TAF4B: variants seen among roughly 807,000 people sequenced by gnomAD.
TAF4B encodes TATA-box binding protein associated factor 4b, also known as transcription initiation factor TFIID subunit 4B.
In TAF4B, 38 loss-of-function variants were observed where a neutral mutation model predicts 86.4. That is an observed-to-expected ratio of 0.44 (90% CI 0.34 to 0.58). TAF4B has a LOEUF of 0.58. Ranked by LOEUF, TAF4B falls within the 20% of genes least tolerant of loss-of-function variation. The probability of loss-of-function intolerance (pLI) is 0.02; values close to 1 mark genes in which losing one functional copy is unlikely to be tolerated. For synonymous variants in TAF4B, 388 were observed against 391.2 expected (o/e 0.99, Z 0.10); for missense variants, 988 against 1,027.6 (o/e 0.96, Z 0.53).
intron 10 of TAF4B, among the ~76,000 whole-genome samples, chr18:26,317,221 G>A (rs150633882): frequency 0.077 from 11,762 of 151,898 alleles, 556 homozygotes; most frequent in Non-Finnish European, 0.1. Context: ...AGTAGAGATG[G>A]GGTTTCACCA....
intron 13 of TAF4B, among the ~76,000 whole-genome samples, chr18:26,342,487 T>G (rs2057144354): frequency 6.6e-6 from 1 of 152,210 alleles, no homozygotes. Context: ...GTTTTTAATT[T>G]TCCTTTTATT....
At chr18:26,297,714 T>C (rs1194473663) in intron 9 of TAF4B, among the ~76,000 whole-genome samples, 1 of 152,212 alleles carries the variant, frequency 6.6e-6, no homozygotes. Context: ...TATATTGCTT[T>C]TGTTTGCACT....
chr18:26,292,363 A>G lies in TAF4B; in HGVS notation c.1708A>G (p.Thr570Ala), dbSNP rs764070380. 38 of 1,612,836 alleles carry G rather than the reference A, an allele frequency of 2.4e-5. No homozygotes were observed. The highest frequency in any genetic ancestry group is 3.1e-5 in the Non-Finnish European group (37 of 1,179,532). ...GATGCCAGTGAACACCATAATACCT[A>G]CTAGTCAGTTTCCTCCAGGTAGATG... ...KTMPVNTIIP[T>A]SQFPPASILK... The change falls in exon 8 of 15, where the codon ACT becomes GCT. Residue 570 changes from threonine (T) to alanine (A), a missense_variant. Thr to Ala is a moderately conservative substitution (Grantham distance 58, BLOSUM62 0). Transcript: ENST00000269142.
chr18:26,328,656 G>C (rs1420004845), intron 12 of TAF4B, among the ~76,000 whole-genome samples: 1 of 151,838 alleles, frequency 6.6e-6, no homozygotes, highest in Non-Finnish European at 1.5e-5. Context: ...ATCTCTCTCT[G>C]TAGCTCAAGC....
At chr18:26,323,132 C>T (rs1045562863) in intron 11 of TAF4B, among the ~76,000 whole-genome samples, 1 of 152,054 alleles carries the variant, frequency 6.6e-6, no homozygotes, top group Non-Finnish European at 1.5e-5. Context: ...TGTACTGAGG[C>T]TTGTTTTATG....
At chr18:26,361,455 G>A (rs978995016) in intron 14 of TAF4B, among the ~76,000 whole-genome samples, 1 of 151,190 alleles carries the variant, frequency 6.6e-6, no homozygotes, top group Non-Finnish European at 1.5e-5. Flanking sequence ...TTGAAATTAT[G>A]GAAAAACTGG....
intron 4 of TAF4B, 50 bp downstream of exon 4, chr18:26,274,874 T>C: frequency 1.9e-6 from 3 of 1,612,868 alleles, no homozygotes; most frequent in South Asian, 1.1e-5. Flanking sequence ...GCAAGTTCTT[T>C]TGAATTGTTT....
At chr18:26,344,808 G>A (rs58582322) in intron 13 of TAF4B, among the ~76,000 whole-genome samples, 7 of 152,050 alleles carry the variant, frequency 4.6e-5, no homozygotes, top group Admixed American at 6.5e-5. Context: ...CAGAGAGAGC[G>A]CTGGAGTGTG....
At chr18:26,282,477 A>G (rs2056462448) in intron 6 of TAF4B, among the ~76,000 whole-genome samples, 1 of 152,254 alleles carries the variant, frequency 6.6e-6, no homozygotes, top group Non-Finnish European at 1.5e-5. Flanking sequence ...TTGAAAAAAC[A>G]ATTACATATG....
At chr18:26,297,961 C>G (rs915979982) in intron 9 of TAF4B, among the ~76,000 whole-genome samples, 3 of 151,976 alleles carry the variant, frequency 2.0e-5, no homozygotes, top group African/African-American at 7.2e-5. Flanking sequence ...TTTCCACCAA[C>G]AAAGTATGAG....
At chr18:26,299,846 G>A (rs1017556002) in intron 9 of TAF4B, among the ~76,000 whole-genome samples, 1 of 152,050 alleles carries the variant, frequency 6.6e-6, no homozygotes. Context: ...AATGTGTATA[G>A]ATGCTTTAAT....
intron 13 of TAF4B, among the ~76,000 whole-genome samples, chr18:26,347,988 A>G (rs1282218620): frequency 6.6e-6 from 1 of 152,250 alleles, no homozygotes; most frequent in Non-Finnish European, 1.5e-5. Flanking sequence ...TCAACACTCC[A>G]TTCTTAACAT....
intron 3 of TAF4B, among the ~76,000 whole-genome samples, chr18:26,269,227 G>A (rs761719189): frequency 0.22 from 33,186 of 151,996 alleles, 4,328 homozygotes; most frequent in Non-Finnish European, 0.3. Context: ...GTCCTCCAGT[G>A]AGTGTTTGTT....
At chr18:26,347,142 G>A (rs1393080248) in intron 13 of TAF4B, among the ~76,000 whole-genome samples, 1 of 151,112 alleles carries the variant, frequency 6.6e-6, no homozygotes, top group East Asian at 2.0e-4. Context: ...GGATGGTCTG[G>A]ATCTCCTGAC....
At chr18:26,233,286 C>T (rs917736925) in intron 1 of TAF4B, among the ~76,000 whole-genome samples, 3 of 152,078 alleles carry the variant, frequency 2.0e-5, no homozygotes, top group African/African-American at 7.2e-5. Context: ...CGTTTTGTAT[C>T]TACTAGGAAG....
intron 1 of TAF4B, among the ~76,000 whole-genome samples, chr18:26,251,913 A>G (rs1206460465): frequency 2.0e-5 from 3 of 152,206 alleles, no homozygotes; most frequent in East Asian, 1.9e-4. Flanking sequence ...GCCTGTCTAC[A>G]GCTATTCTAA....
At chr18:26,292,759 G>T (rs1286287928) in intron 8 of TAF4B, among the ~76,000 whole-genome samples, 1 of 152,136 alleles carries the variant, frequency 6.6e-6, no homozygotes, top group Non-Finnish European at 1.5e-5. Context: ...CTGACCTCAA[G>T]TGGTCAATCC....
intron 1 of TAF4B, among the ~76,000 whole-genome samples, chr18:26,246,796 G>A (rs2055932322): frequency 6.6e-6 from 1 of 151,628 alleles, no homozygotes; most frequent in Admixed American, 6.6e-5. Flanking sequence ...GCCTCCCAAA[G>A]TGTTGGCATT....
intron 1 of TAF4B, among the ~76,000 whole-genome samples, chr18:26,264,918 A>G (rs2056217186): frequency 6.6e-6 from 1 of 152,224 alleles, no homozygotes; most frequent in Admixed American, 6.5e-5. Context: ...CTTTATAGAT[A>G]GTTTTGATGT....
Sources: allele counts gnomAD v4.1 joint callset (sites outside exome capture counted in the v4.1 genomes callset), GRCh38; gene constraint gnomAD v4.1.1; transcripts MANE v1.5; gene names NCBI Gene and HGNC (gene_info 2026-07-23, HGNC 2026-07-21).